RASGEF1C: variants seen among roughly 807,000 people sequenced by gnomAD.
The protein encoded by RASGEF1C is ras-GEF domain-containing family member 1C.
A neutral mutation model predicts 58.1 loss-of-function variants in RASGEF1C; 27 were observed. The ratio of observed to expected loss-of-function variants is 0.46; its 90% CI spans 0.34 to 0.64. The LOEUF is 0.64. Among genes scored for constraint, RASGEF1C ranks in the 30% least tolerant of loss-of-function variants. The pLI, the probability that RASGEF1C is intolerant of heterozygous loss-of-function variation, is 0.01. For synonymous variants in RASGEF1C, 243 were observed against 246.3 expected, an observed-to-expected ratio of 0.99 and a Z score of 0.13; for missense variants, 502 against 605.1, an observed-to-expected ratio of 0.83 and a Z score of 1.79.
chr5:180,194,902 T>G (rs1756238287), intron 1 of RASGEF1C, among the ~76,000 whole-genome samples: 2 of 151,570 alleles, frequency 1.3e-5, no homozygotes, highest in Admixed American at 6.6e-5. Flanking sequence ...CGGCTTCTCC[T>G]GGCTTCTCCA....
intron 5 of RASGEF1C, 31 bp downstream of exon 5, chr5:180,128,379 C>G (rs774336494): frequency 1.9e-6 from 3 of 1,590,424 alleles, no homozygotes; most frequent in Admixed American, 1.7e-5. Context: ...TGCTGAATCC[C>G]GGGTGAGGAA....
rs568655719 is a variant in RASGEF1C at position 180,158,845 on chromosome 5, T to G, written c.-6-20787A>C. 1.6e-4 allele frequency among the ~76,000 whole-genome samples: 24 copies of G among 152,280 alleles called. No homozygotes were observed. The highest frequency in any genetic ancestry group is 1.0e-3 in the South Asian group (5 of 4,822). On this transcript the variant is annotated intron_variant, in intron 1 of 13. Coordinates refer to ENST00000361132, the MANE Select transcript of RASGEF1C (RefSeq NM_175062.4). The surrounding 1 kb of genome is among the most constrained non-coding windows in gnomAD (Gnocchi z 4.0). ...AAATCATTTCACAGATGGTTTCCTC[T>G]CCTTCATTTTCTCTGTCTAGAATTC...
intron 1 of RASGEF1C, among the ~76,000 whole-genome samples, chr5:180,188,550 T>C (rs2113331000): frequency 6.6e-6 from 1 of 152,276 alleles, no homozygotes; most frequent in East Asian, 1.9e-4. Context: ...AGAAGAGAAG[T>C]TCCCCAACTG....
rs1247388011 is a variant in RASGEF1C, at chr5:180,140,065, G to A, written c.-6-2007C>T. Reference sequence around the variant, plus strand: ...GGCTGCCACTTTAAAGAGACAGCCAGGAGGCTCCCAGGGGACCTGGGGCCT... The same window carrying A: ...GGCTGCCACTTTAAAGAGACAGCCAAGAGGCTCCCAGGGGACCTGGGGCCT... On this transcript the variant is annotated intron_variant, in intron 1 of 13. Coordinates refer to ENST00000361132, the MANE Select transcript of RASGEF1C (RefSeq NM_175062.4). Among the ~76,000 whole-genome samples the A allele has an allele frequency of 2.0e-5, 3 of 152,308 alleles. No individual in the cohort carries two copies. The East Asian group carries it at 5.8e-4, about 29-fold the overall frequency.
chr5:180,129,519 G>C (rs1766326246), intron 4 of RASGEF1C, among the ~76,000 whole-genome samples: 1 of 152,112 alleles, frequency 6.6e-6, no homozygotes, highest in Admixed American at 6.5e-5. Flanking sequence ...GGCCCCCCCA[G>C]AGCAATCGGA....
chr5:180,151,145 G>T (rs970857480), intron 1 of RASGEF1C, among the ~76,000 whole-genome samples: 47 of 152,176 alleles, frequency 3.1e-4, no homozygotes, highest in African/African-American at 1.1e-3. Flanking sequence ...TACTGCCCAA[G>T]GTAATTTATA....
rs909611542 is a variant in RASGEF1C, at chr5:180,120,085, G to A, written c.805-637C>T. 4.6e-5 allele frequency among the ~76,000 whole-genome samples: 7 copies of A among 152,330 alleles called. No individual in the cohort carries two copies. In the East Asian group the frequency reaches 5.8e-4, roughly 13 times the overall value. ...GTGAGGGTAGGAAGTGGGCTGGGCC[G>A]GTGGGGCCCGCGTTGCATTCTTTCC... On this transcript the variant is annotated intron_variant, in intron 7 of 13. Coordinates refer to ENST00000361132, the MANE Select transcript of RASGEF1C (RefSeq NM_175062.4).
rs1766608226 is a variant in RASGEF1C, at chr5:180,143,127, TTGTG to T, written c.-6-5073_-6-5070del. Among the ~76,000 whole-genome samples, 1 of 151,754 alleles carries T rather than the reference TTGTG, an allele frequency of 6.6e-6. No homozygotes were observed. The highest frequency in any genetic ancestry group is 1.5e-5 in the Non-Finnish European group (1 of 67,924). The stretch of plus-strand genomic sequence containing the variant: ...CAGTTCAAGAGACAGCAGGCGAGGA[TTGTG>T]TGGGGTCAGGTCTGCAGAGAGACAG... On this transcript the variant is annotated intron_variant, in intron 1 of 13. Coordinates refer to ENST00000361132, the MANE Select transcript of RASGEF1C (RefSeq NM_175062.4). This position sits in a 1 kb window ranked among gnomAD's most constrained non-coding sequence, Gnocchi z 4.3.
intron 1 of RASGEF1C, among the ~76,000 whole-genome samples, chr5:180,190,866 C>T (rs1756151675): frequency 6.6e-6 from 1 of 152,052 alleles, no homozygotes; most frequent in Non-Finnish European, 1.5e-5. Context: ...CTTCAAAGGA[C>T]ACCATTGAGA....
At chr5:180,207,778 G>A (rs563742976) in intron 1 of RASGEF1C, among the ~76,000 whole-genome samples, 2 of 152,212 alleles carry the variant, frequency 1.3e-5, no homozygotes, top group South Asian at 4.1e-4. Flanking sequence ...CCTGCCCTCA[G>A]GGATCTCACC....
At chr5:180,125,729 C>G (rs1010656163) in intron 6 of RASGEF1C, among the ~76,000 whole-genome samples, 1 of 151,924 alleles carries the variant, frequency 6.6e-6, no homozygotes, top group African/African-American at 2.4e-5. Context: ...TTGCAATGAG[C>G]CGAGATCGCA....
chr5:180,190,979 C>CA (rs1359343422), intron 1 of RASGEF1C, among the ~76,000 whole-genome samples: 3 of 152,254 alleles, frequency 2.0e-5, no homozygotes, highest in African/African-American at 7.2e-5. Context: ...TAAAAATGTG[C>CA]AAAATATCTG....
intron 8 of RASGEF1C, 51 bp from the exon 9 acceptor site, chr5:180,118,917 T>C: frequency 1.3e-6 from 2 of 1,533,756 alleles, no homozygotes; most frequent in Non-Finnish European, 1.8e-6. Flanking sequence ...CAGGGGGGCC[T>C]CTGCGTAGCT....
chr5:180,127,148 C>T (rs1017616775), intron 6 of RASGEF1C, among the ~76,000 whole-genome samples: 2 of 152,198 alleles, frequency 1.3e-5, no homozygotes, highest in Non-Finnish European at 2.9e-5. Flanking sequence ...GTGTCCTGAG[C>T]ACCGGGACCC....
intron 1 of RASGEF1C, among the ~76,000 whole-genome samples, chr5:180,161,638 G>T (rs10063012): frequency 0.16 from 24,616 of 152,272 alleles, 2,169 homozygotes; most frequent in African/African-American, 0.22. Context: ...GAGCCCGAGA[G>T]GGGGAGCAGG....
At chr5:180,126,720 C>T (rs959954392) in intron 6 of RASGEF1C, among the ~76,000 whole-genome samples, 2 of 152,214 alleles carry the variant, frequency 1.3e-5, no homozygotes, top group Non-Finnish European at 2.9e-5. Context: ...GGTGACAAGG[C>T]AATCTGCCCC....
chr5:180,127,606 T>C lies in RASGEF1C; in HGVS notation c.714+3A>G, dbSNP rs773848898. The C allele has an allele frequency of 1.2e-6, 2 of 1,610,700 alleles. No individual in the cohort carries two copies. The highest frequency in any genetic ancestry group is 2.2e-5 in the East Asian group (1 of 44,708). ...TTTGGGACAGCCCGTAAGAGCCTCCTACCTTTGTGCTGGCCAGAGGGTCCT... is the reference window on the plus strand; with the variant it reads ...TTTGGGACAGCCCGTAAGAGCCTCCCACCTTTGTGCTGGCCAGAGGGTCCT... On this transcript the variant is annotated splice_donor_region_variant and intron_variant, in intron 6 of 13. Transcript: ENST00000361132.
chr5:180,178,939 T>G (rs1441229655), intron 1 of RASGEF1C, among the ~76,000 whole-genome samples: 2 of 148,430 alleles, frequency 1.3e-5, no homozygotes, highest in African/African-American at 2.5e-5. Context: ...AGGAGCGGAG[T>G]GGGGAGGAAG....
intron 1 of RASGEF1C, among the ~76,000 whole-genome samples, chr5:180,203,127 T>G (rs1401352497): frequency 1.3e-5 from 2 of 152,230 alleles, no homozygotes; most frequent in Non-Finnish European, 2.9e-5. Context: ...AGGCAGTTTC[T>G]ATGGTGCTCA....
Sources: gnomAD v4.1 joint callset for allele counts (sites outside exome capture counted in the v4.1 genomes callset) on GRCh38, gnomAD v4.1.1 for gene constraint, Gnocchi (gnomAD v3.1) non-coding constraint, MANE v1.5 for transcripts, NCBI Gene and HGNC (gene_info 2026-07-23, HGNC 2026-07-21) for gene names.